Variants in TUT1 observed in about 807,000 individuals in gnomAD.
TUT1 encodes speckle targeted PIP5K1A-regulated poly(A) polymerase.
TUT1 carries 26 observed loss-of-function variants against 48.8 expected under a neutral mutation model. The observed-to-expected ratio is 0.53, with a 90% CI of 0.39 to 0.74. The LOEUF is 0.74. TUT1 is among the 30% of genes least tolerant of loss of function. The pLI is 0.00. For synonymous variants in TUT1, 470 were observed against 460.8 expected (o/e 1.02, Z -0.26); for missense variants, 1,065 against 1,114.8 (o/e 0.96, Z 0.64).
intron 1 of TUT1, among the ~76,000 whole-genome samples, 160 bp from the exon 2 acceptor site, chr11:62,589,381 T>C (rs1941972149): frequency 6.6e-6 from 1 of 152,200 alleles, no homozygotes; most frequent in Non-Finnish European, 1.5e-5. Flanking sequence ...CTCTTATACA[T>C]TTGTCTAAAT....
chr11:62,578,716 T>C lies in TUT1; in HGVS notation c.1005A>G (p.Ala335=). The part of the protein sequence containing the change: ...ELAETPKEEK[A]EGAAMLELVG... The stretch of plus-strand genomic sequence containing the variant: ...CCAGCTCCAGCATTGCTGCCCCCTC[T>C]GCTTTCTCCTCCTTTGGGGTCTCTG... Residue 335 remains alanine (A), a synonymous_variant, in exon 5 of 9, where the codon GCA becomes GCG. Transcript: ENST00000476907. 1 of 1,614,158 alleles carries C rather than the reference T, an allele frequency of 6.2e-7. No homozygotes were observed. Among genetic ancestry groups the C allele is most frequent in the Non-Finnish European group, 8.5e-7 (1 of 1,180,036 alleles).
In TUT1 at chr11:62,578,642, G is replaced by A. The variant is rs769909680; in HGVS notation, c.1079C>T (p.Thr360Ile). The A allele has an allele frequency of 6.2e-7, 1 of 1,614,238 alleles. No homozygotes were observed. Among genetic ancestry groups the A allele is most frequent in the South Asian group, 1.1e-5 (1 of 91,086 alleles). Residue 360 changes from threonine to isoleucine, a missense_variant, in exon 5 of 9, where the codon ACT (threonine) becomes ATT (isoleucine). Thr to Ile is a moderately conservative substitution (Grantham distance 89). Coordinates refer to ENST00000476907, the MANE Select transcript of TUT1 (RefSeq NM_022830.3). ...GCVPGVYRVQ[T>I]VPSARRPVVK... is the part of the protein sequence containing the mutation. ...CACAGGGCGCCGGGCAGAGGGCACA[G>A]TTTGGACTCGATACACCCCAGGGAC...
At chr11:62,579,518 TAAATAG>T (rs1486218019) in intron 4 of TUT1, among the ~76,000 whole-genome samples, 2 of 152,176 alleles carry the variant, frequency 1.3e-5, no homozygotes, top group African/African-American at 4.8e-5. Flanking sequence ...TCAGAAAATA[TAAATAG>T]AGAGTGTGTG....
intron 8 of TUT1, 46 bp downstream of exon 8, chr11:62,576,611 T>C: frequency 6.6e-7 from 1 of 1,524,348 alleles, no homozygotes; most frequent in Non-Finnish European, 9.1e-7. Context: ...TTACCTACTG[T>C]TGATGAACAT....
Position 62,575,763 on chromosome 11 carries a change from G to A in TUT1, c.1956C>T (p.Ser652=). ...GTCTTTTGCTTGTCCCTCCCTGAGA[G>A]GACTCCCCAGTTCCACCTCCTTCTG... The part of the protein sequence containing the change: ...TRSEGGGTGE[S]SQGGTSKRLK... Residue 652 remains serine, a synonymous_variant, in exon 9 of 9, where the codon TCC becomes TCT. Transcript: ENST00000476907. The A allele has an allele frequency of 6.2e-7, 1 of 1,614,168 alleles. No individual in the cohort carries two copies. The highest frequency in any genetic ancestry group is 1.1e-5 in the South Asian group (1 of 91,086).
intron 4 of TUT1, among the ~76,000 whole-genome samples, chr11:62,580,623 T>TTGGGGTGGGG (rs1941809442): frequency 6.9e-6 from 1 of 145,808 alleles, no homozygotes. Flanking sequence ...TTTTTTTTTT[T>TTGGGGTGGGG]GAGGAGTCTC....
At chr11:62,576,874 C>G in intron 7 of TUT1, 33 bp downstream of exon 7, 1 of 1,607,388 alleles carries the variant, frequency 6.2e-7, no homozygotes, top group South Asian at 1.1e-5. Flanking sequence ...AGGAAACTAA[C>G]AAGATGGAGA....
At chr11:62,591,237 T>C (rs1942007308) in intron 1 of TUT1, 167 bp downstream of exon 1, 2 of 925,744 alleles carry the variant, frequency 2.2e-6, no homozygotes, top group Non-Finnish European at 2.6e-6. Flanking sequence ...GTGGTGGAAC[T>C]TTCCCGACTC....
intron 2 of TUT1, among the ~76,000 whole-genome samples, chr11:62,586,157 T>C (rs1411869139): frequency 6.6e-6 from 1 of 152,234 alleles, no homozygotes; most frequent in Non-Finnish European, 1.5e-5. Context: ...CCTGTGTCCT[T>C]GCCATTTTTG....
Position 62,581,170 on chromosome 11 carries a change from C to G in TUT1, c.626G>C (p.Ser209Thr), listed in dbSNP as rs1941818607. The G allele has an allele frequency of 2.5e-6, 4 of 1,613,988 alleles. No individual in the cohort carries two copies. The highest frequency in any genetic ancestry group is 1.6e-4 in the Middle Eastern group (1 of 6,084). The change falls in exon 4 of 9, where the codon AGC becomes ACC. Residue 209 changes from serine (S) to threonine (T), a missense_variant. Transcript: ENST00000476907. ...VVHPFGSSIN[S>T]FDVHGCDLDL... ...AAGATCACAGCCATGGACATCGAAG[C>G]TATTTATGGAAGAGCCAAAAGGGTG...
intron 2 of TUT1, among the ~76,000 whole-genome samples, chr11:62,586,871 A>G (rs2134314368): frequency 6.7e-6 from 1 of 149,850 alleles, no homozygotes; most frequent in African/African-American, 2.4e-5. Context: ...CACCCAGCTA[A>G]TTTTTGTATT....
intron 2 of TUT1, among the ~76,000 whole-genome samples, chr11:62,588,091 G>C (rs538002574): frequency 6.6e-6 from 1 of 152,326 alleles, no homozygotes; most frequent in African/African-American, 2.4e-5. Flanking sequence ...TATAGGCTCT[G>C]TGAGAGCAGG....
chr11:62,582,409 C>T (rs1941842963), intron 2 of TUT1: 1 of 282,196 alleles, frequency 3.5e-6, no homozygotes, highest in Non-Finnish European at 7.2e-6. Flanking sequence ...GACACAACCA[C>T]ACCCTGTCTC....
intron 5 of TUT1, among the ~76,000 whole-genome samples, 190 bp from the exon 6 acceptor site, chr11:62,577,481 G>A (rs891596957): frequency 1.3e-5 from 2 of 151,470 alleles, no homozygotes; most frequent in African/African-American, 2.4e-5. Flanking sequence ...ACTTCATCCT[G>A]TACGCCCATC....
rs556481003 is a variant in TUT1 at position 62,578,864 on chromosome 11, G to A, written c.857C>T (p.Ala286Val). Residue 286 changes from alanine to valine, a missense_variant, in exon 5 of 9, where the codon GCG becomes GTG. Coordinates refer to ENST00000476907, the MANE Select transcript of TUT1 (RefSeq NM_022830.3). ...LDFETPSSSLAPQTPDSALAS... is the reference protein window; with the variant it reads ...LDFETPSSSLVPQTPDSALAS... The stretch of plus-strand genomic sequence containing the variant: ...CAAGGCAGAGTCCGGAGTTTGGGGC[G>A]CCAGGGAGGAGGAAGGGGTTTCAAA... 22 of 1,611,888 alleles carry A rather than the reference G, an allele frequency of 1.4e-5. No individual in the cohort carries two copies. Among genetic ancestry groups the A allele is most frequent in the East Asian group, 2.2e-5 (1 of 44,840 alleles).
In TUT1 at chr11:62,578,647, G is replaced by C. The variant is rs374949113; in HGVS notation, c.1074C>G (p.Val358=). The C allele has an allele frequency of 6.2e-7, 1 of 1,614,090 alleles. No individual in the cohort carries two copies. Among genetic ancestry groups the C allele is most frequent in the African/African-American group, 1.3e-5 (1 of 74,932 alleles). The part of the protein sequence containing the change: ...LRGCVPGVYR[V]QTVPSARRPV... ...GGCGCCGGGCAGAGGGCACAGTTTG[G>C]ACTCGATACACCCCAGGGACACAGC... The change falls in exon 5 of 9, where the codon GTC becomes GTG. Residue 358 remains valine, a synonymous_variant. Transcript: ENST00000476907.
chr11:62,578,732 G>A lies in TUT1; in HGVS notation c.989C>T (p.Pro330Leu), dbSNP rs1216636454. The A allele has an allele frequency of 6.2e-7, 1 of 1,614,002 alleles. No individual in the cohort carries two copies. Among genetic ancestry groups the A allele is most frequent in the Non-Finnish European group, 8.5e-7 (1 of 1,180,036 alleles). ...LGKASELAETPKEEKAEGAAM... is the reference protein window; with the variant it reads ...LGKASELAETLKEEKAEGAAM... ...TGCCCCCTCTGCTTTCTCCTCCTTT[G>A]GGGTCTCTGCTAGTTCCGAGGCCTT... The change falls in exon 5 of 9, where the codon CCA (proline) becomes CTA (leucine). Residue 330 changes from proline (P) to leucine (L), a missense_variant. Pro to Leu is a moderately conservative substitution (Grantham distance 98). Coordinates refer to ENST00000476907, the MANE Select transcript of TUT1 (RefSeq NM_022830.3).
At chr11:62,576,363 TC>T in intron 8 of TUT1, 119 bp from the exon 9 acceptor site, 1 of 1,277,226 alleles carries the variant, frequency 7.8e-7, no homozygotes, top group Non-Finnish European at 1.0e-6. Context: ...CTCAGCAGAG[TC>T]CCAGGAAGCT....
chr11:62,586,925 G>A (rs1336951823), intron 2 of TUT1, among the ~76,000 whole-genome samples: 10 of 148,282 alleles, frequency 6.7e-5, no homozygotes, highest in East Asian at 2.1e-4. Flanking sequence ...GGCTGGTCTC[G>A]AACTCCTGAC....
Sources: gnomAD v4.1 joint callset for allele counts (sites outside exome capture counted in the v4.1 genomes callset) on GRCh38, gnomAD v4.1.1 for gene constraint, MANE v1.5 for transcripts, NCBI Gene and HGNC (gene_info 2026-07-23, HGNC 2026-07-21) for gene names.